Variants in PKD1L3 observed in about 807,000 individuals in gnomAD.
PKD1L3 encodes the protein polycystin 1 like 3, transient receptor potential channel interacting.
A neutral mutation model predicts 184.1 loss-of-function variants in PKD1L3; 239 were observed. The ratio of observed to expected loss-of-function variants is 1.30; its 90% confidence interval spans 1.17 to 1.45. The LOEUF is 1.45. Ranked by LOEUF, PKD1L3 falls within the 40% of genes most tolerant of loss-of-function variation. PKD1L3 has a pLI of 0.00. For synonymous variants in PKD1L3, 996 were observed against 778.8 expected, an observed-to-expected ratio of 1.28 and a Z score of -4.64; for missense variants, 2,660 against 2,067.2, an observed-to-expected ratio of 1.29 and a Z score of -5.56.
chr16:71,998,542 C>T (rs939249524), intron 1 of PKD1L3, 148 bp from the exon 2 acceptor site: 4 of 1,174,256 alleles, frequency 3.4e-6, no homozygotes, highest in Non-Finnish European at 3.4e-6. Context: ...TCTCTGCCTC[C>T]TGGGTTCCAG....
Position 71,942,704 on chromosome 16 carries a change from G to A in PKD1L3, c.4180C>T (p.Arg1394Cys), listed in dbSNP as rs1045014126. 1.8e-5 allele frequency: 28 copies of A among 1,551,556 alleles called. No homozygotes were observed. Among genetic ancestry groups the A allele is most frequent in the South Asian group, 8.3e-5 (7 of 84,060 alleles). ...AGTCCAGGGAATAGGCTCTTGGGAC[G>A]CCCACAGGTATGGCCGTTATCACAA... ...AFCDNGHTCGRPKSLFPGLHL... is the reference protein window; with the variant it reads ...AFCDNGHTCGCPKSLFPGLHL... Residue 1394 changes from arginine (R) to cysteine (C), a missense_variant, in exon 24 of 30, where the codon CGT (arginine) becomes TGT (cysteine). Arg to Cys is a radical substitution (Grantham distance 180). Coordinates refer to ENST00000620267, the MANE Select transcript of PKD1L3 (RefSeq NM_181536.2).
In PKD1L3 at chr16:71,929,669, C is replaced by T. The variant is rs980866833; in HGVS notation, c.5068G>A (p.Ala1690Thr). ...TTCTGTAGCAGTGTATCTATTAGTGCAGCTTCTTTCTGAGTATTGAAGACA... is the reference window on the plus strand; with the variant it reads ...TTCTGTAGCAGTGTATCTATTAGTGTAGCTTCTTTCTGAGTATTGAAGACA... ...KERKSLKKEA[A>T]LIDTLLQKLS... The change falls in exon 30 of 30, where the codon GCA (alanine) becomes ACA (threonine). Residue 1690 changes from alanine to threonine, a missense_variant. Ala to Thr is a moderately conservative substitution (Grantham distance 58, BLOSUM62 0). Transcript: ENST00000620267. The T allele has an allele frequency of 1.9e-6, 3 of 1,545,200 alleles. No homozygotes were observed. The highest frequency in any genetic ancestry group is 2.4e-5 in the East Asian group (1 of 40,894).
rs1405195537 is a variant in PKD1L3 at position 71,980,141 on chromosome 16, G to A, written c.1144-7C>T. On this transcript the variant is annotated splice_polypyrimidine_tract_variant and splice_region_variant and intron_variant, in intron 7 of 29. Transcript: ENST00000620267. Reference sequence around the variant, plus strand: ...TTTCCAGGATGTCTTCTACCTGCATGGAAAGGAAAACAGTGTGTGACTTGT... The same window carrying A: ...TTTCCAGGATGTCTTCTACCTGCATAGAAAGGAAAACAGTGTGTGACTTGT... 6 of 1,551,182 alleles carry A rather than the reference G, an allele frequency of 3.9e-6. No homozygotes were observed. The highest frequency in any genetic ancestry group is 5.2e-6 in the Non-Finnish European group (6 of 1,146,614).
At chr16:71,988,351 C>T (rs1323607991) in intron 4 of PKD1L3, among the ~76,000 whole-genome samples, 1 of 152,166 alleles carries the variant, frequency 6.6e-6, no homozygotes, top group Non-Finnish European at 1.5e-5. Context: ...CCTGCCATCA[C>T]ACCCGGCTAA....
intron 16 of PKD1L3, 110 bp from the exon 17 acceptor site, chr16:71,954,411 ATTC>A: frequency 1.4e-6 from 1 of 696,586 alleles, no homozygotes; most frequent in South Asian, 2.2e-5. Context: ...CCAAGCCTCT[ATTC>A]AACACCTCTG....
At chr16:71,970,477 G>A (rs1266256343) in intron 12 of PKD1L3, among the ~76,000 whole-genome samples, 4 of 152,196 alleles carry the variant, frequency 2.6e-5, no homozygotes, top group East Asian at 3.8e-4. Context: ...ACATAAGTAA[G>A]CAGAGGCAAA....
rs368635205 is a variant in PKD1L3, at chr16:71,942,632, G to A, written c.4252C>T (p.Leu1418=). 2.6e-4 allele frequency: 398 copies of A among 1,551,726 alleles called. 1 individual carries two copies. In the South Asian group the frequency reaches 3.1e-3, roughly 12 times the overall value. The change falls in exon 24 of 30, where the codon CTG becomes TTG. Residue 1418 remains leucine (L), a synonymous_variant. Transcript: ENST00000620267. ...TCGTGAAGCTCATCAGTGGGAATCAGCACCATGGGCCTGGGTGAACAGATG... is the reference window on the plus strand; with the variant it reads ...TCGTGAAGCTCATCAGTGGGAATCAACACCATGGGCCTGGGTGAACAGATG... ...SYICSPRPMV[L]IPTDELHERL...
chr16:71,930,585 A>G (rs981804049), intron 28 of PKD1L3: 1 of 154,290 alleles, frequency 6.5e-6, no homozygotes, highest in Non-Finnish European at 1.4e-5. Context: ...TCAAGAAACT[A>G]CAACCCTAAA....
intron 26 of PKD1L3, among the ~76,000 whole-genome samples, chr16:71,935,033 G>A (rs913069189): frequency 1.3e-5 from 2 of 152,244 alleles, no homozygotes; most frequent in Non-Finnish European, 1.5e-5. Context: ...TTTATTTAAA[G>A]GATTATTTGT....
At chr16:71,992,235 A>G (rs1406355513) in intron 3 of PKD1L3, among the ~76,000 whole-genome samples, 1 of 152,236 alleles carries the variant, frequency 6.6e-6, no homozygotes, top group East Asian at 1.9e-4. Context: ...CTTGTTAGGT[A>G]AATTGCCCCA....
chr16:71,951,842 G>T, intron 18 of PKD1L3, 98 bp from the exon 19 acceptor site: 1 of 1,136,514 alleles, frequency 8.8e-7, no homozygotes, highest in Non-Finnish European at 1.2e-6. Flanking sequence ...TCGTCAGAAG[G>T]GGATATGCTT....
chr16:71,970,629 G>A (rs1310179834), intron 12 of PKD1L3, among the ~76,000 whole-genome samples: 1 of 152,080 alleles, frequency 6.6e-6, no homozygotes, highest in Non-Finnish European at 1.5e-5. Flanking sequence ...ACAACATGGT[G>A]AAACCCCATC....
chr16:71,995,852 A>C (rs971132312), intron 2 of PKD1L3, among the ~76,000 whole-genome samples: 1 of 152,194 alleles, frequency 6.6e-6, no homozygotes, highest in Admixed American at 6.5e-5. Flanking sequence ...ATCTTACTGC[A>C]TTCTCACTAG....
intron 21 of PKD1L3, among the ~76,000 whole-genome samples, 183 bp from the exon 22 acceptor site, chr16:71,947,774 A>G (rs2038675574): frequency 6.6e-6 from 1 of 152,148 alleles, no homozygotes; most frequent in Non-Finnish European, 1.5e-5. Flanking sequence ...GGACCATCAG[A>G]CTCTAAATAA....
At chr16:71,991,632 G>A (rs7205297) in intron 3 of PKD1L3, among the ~76,000 whole-genome samples, 117,109 of 152,120 alleles carry the variant, frequency 0.77, 45,337 homozygotes, top group South Asian at 0.86. Context: ...GACACAGAGG[G>A]TAGGAAGCAG....
At chr16:71,931,450 G>A (rs1207941475) in intron 28 of PKD1L3, among the ~76,000 whole-genome samples, 1 of 145,364 alleles carries the variant, frequency 6.9e-6, no homozygotes, top group East Asian at 2.0e-4. Context: ...TTAAGAAAGT[G>A]TCTTCTCCCC....
chr16:71,984,567 T>C lies in PKD1L3; in HGVS notation c.835-400A>G, dbSNP rs549540949. Among the ~76,000 whole-genome samples, 218 of 152,212 alleles carry C rather than the reference T, an allele frequency of 1.4e-3. 1 individual carries two copies. Among genetic ancestry groups the C allele is most frequent in the Non-Finnish European group, 2.5e-3 (169 of 67,956 alleles). On this transcript the variant is annotated intron_variant, in intron 5 of 29. Transcript: ENST00000620267. ...GTGTGTGTTTCCCTCCATTCAAGTA[T>C]TCGTATTTAAGGCTGGGCGTGATGG...
intron 5 of PKD1L3, 69 bp downstream of exon 5, chr16:71,986,152 G>A (rs1472292315): frequency 1.3e-6 from 2 of 1,510,854 alleles, no homozygotes; most frequent in East Asian, 2.5e-5. Context: ...CTGCAGGGAG[G>A]CAAATGGGTG....
At chr16:71,994,795 T>C (rs1415782145) in intron 2 of PKD1L3, among the ~76,000 whole-genome samples, 1 of 152,048 alleles carries the variant, frequency 6.6e-6, no homozygotes, top group East Asian at 1.9e-4. Flanking sequence ...GGTCAGGAGT[T>C]CGAGACCAGC....
Sources: gnomAD v4.1 joint callset for allele counts (sites outside exome capture counted in the v4.1 genomes callset) on GRCh38, gnomAD v4.1.1 for gene constraint, MANE v1.5 for transcripts, NCBI Gene and HGNC (gene_info 2026-07-23, HGNC 2026-07-21) for gene names.